The following MET variants were observed in gnomAD, a reference collection of about 807,000 sequenced individuals.
MET encodes MET proto-oncogene, receptor tyrosine kinase, also known as hepatocyte growth factor receptor.
In MET, 48 loss-of-function variants were observed where a neutral mutation model predicts 133.1. The ratio of observed to expected loss-of-function variants is 0.36; its 90% confidence interval spans 0.29 to 0.46. MET has a LOEUF of 0.46. MET is among the 20% of genes least tolerant of loss of function. The pLI is 1.00. For synonymous variants in MET, 628 were observed against 616.5 expected, an observed-to-expected ratio of 1.02 and a Z score of -0.28; for missense variants, 1,442 against 1,695.9, an observed-to-expected ratio of 0.85 and a Z score of 2.63.
intron 3 of MET, among the ~76,000 whole-genome samples, chr7:116,734,234 C>T (rs1023025129): frequency 1.3e-5 from 2 of 151,750 alleles, no homozygotes; most frequent in African/African-American, 4.8e-5. Flanking sequence ...ATTTTTTTTC[C>T]CCCCAAAGAC....
chr7:116,750,212 TG>T (rs1793862719), intron 5 of MET, among the ~76,000 whole-genome samples: 2 of 152,202 alleles, frequency 1.3e-5, no homozygotes, highest in Admixed American at 6.5e-5. Flanking sequence ...CAAAACAGCA[TG>T]GTACTGGTAC....
chr7:116,751,993 G>A (rs1193482743), intron 5 of MET, among the ~76,000 whole-genome samples: 2 of 151,984 alleles, frequency 1.3e-5, no homozygotes, highest in African/African-American at 2.4e-5. Flanking sequence ...CCTGGGTGGC[G>A]GAGCTTGCAG....
chr7:116,778,486 A>G (rs1019347156), intron 16 of MET, among the ~76,000 whole-genome samples: 1 of 152,224 alleles, frequency 6.6e-6, no homozygotes, highest in African/African-American at 2.4e-5. Flanking sequence ...AAATAAATGG[A>G]CAGTCTTTAT....
rs746353083 is a variant in MET, at chr7:116,796,067, A to T, written c.4116A>T (p.Glu1372Asp). Residue 1372 changes from glutamate (E) to aspartate (D), a missense_variant, in exon 21 of 21, where the codon GAA (glutamate) becomes GAT (aspartate). Physicochemically the swap from Glu to Asp is conservative, Grantham distance 45. Around this residue, in one of 6 missense-constraint regions of MET, gnomAD observed 94 missense variants for 109.5 expected, o/e 0.86. Transcript: ENST00000397752. ...CGTATCCTTCTCTGTTGTCATCAGA[A>T]GATAACGCTGATGATGAGGTGGACA... ...VAPYPSLLSS[E>D]DNADDEVDTR... is the part of the protein sequence containing the mutation. 1 of 1,614,022 alleles carries T rather than the reference A, an allele frequency of 6.2e-7. No homozygotes were observed.
chr7:116,686,959 G>T (rs969793803), intron 1 of MET, among the ~76,000 whole-genome samples: 1 of 152,164 alleles, frequency 6.6e-6, no homozygotes, highest in Non-Finnish European at 1.5e-5. Flanking sequence ...CCTTGGCCCC[G>T]CTTTCTGTCT....
intron 2 of MET, among the ~76,000 whole-genome samples, chr7:116,730,883 C>G (rs1229299167): frequency 6.6e-6 from 1 of 152,016 alleles, no homozygotes; most frequent in Non-Finnish European, 1.5e-5. Context: ...GTGCTGGGCT[C>G]TTTGTTTGTT....
chr7:116,768,605 A>C (rs1360043532), intron 11 of MET, among the ~76,000 whole-genome samples: 1 of 152,236 alleles, frequency 6.6e-6, no homozygotes, highest in Admixed American at 6.5e-5. Context: ...CTGCCTGACC[A>C]ATCAATCTAT....
chr7:116,740,174 C>G (rs2116829750), intron 4 of MET, 90 bp downstream of exon 4: 1 of 1,444,700 alleles, frequency 6.9e-7, no homozygotes, highest in Non-Finnish European at 9.7e-7. Flanking sequence ...TATAATGTCT[C>G]TCTTCATCTT....
chr7:116,715,583 G>A (rs1266571099), intron 2 of MET, among the ~76,000 whole-genome samples: 1 of 152,144 alleles, frequency 6.6e-6, no homozygotes, highest in African/African-American at 2.4e-5. Flanking sequence ...ATGAATTTTG[G>A]GAAGACATTA....
chr7:116,757,403 T>A, intron 6 of MET, 34 bp from the exon 7 acceptor site: 1 of 1,561,442 alleles, frequency 6.4e-7, no homozygotes, highest in Admixed American at 1.7e-5. Context: ...TTCCTTGGAT[T>A]TGTCATGTAT....
At chr7:116,791,824 C>T (rs953561418) in intron 19 of MET, among the ~76,000 whole-genome samples, 6 of 151,952 alleles carry the variant, frequency 3.9e-5, no homozygotes, top group Non-Finnish European at 8.8e-5. Context: ...GCCACCATGC[C>T]CAGCTAATTT....
intron 1 of MET, among the ~76,000 whole-genome samples, chr7:116,697,445 C>G (rs1038484467): frequency 6.6e-6 from 1 of 152,118 alleles, no homozygotes; most frequent in African/African-American, 2.4e-5. Context: ...CATTGTATGA[C>G]GGTCTAGCTC....
At chr7:116,737,595 A>T (rs746855633) in intron 3 of MET, among the ~76,000 whole-genome samples, 8 of 152,124 alleles carry the variant, frequency 5.3e-5, no homozygotes, top group Non-Finnish European at 8.8e-5. Flanking sequence ...TTTTTTAAGG[A>T]AAATAATAGT....
chr7:116,778,099 G>A (rs982591873), intron 16 of MET, among the ~76,000 whole-genome samples: 1 of 152,176 alleles, frequency 6.6e-6, no homozygotes, highest in Non-Finnish European at 1.5e-5. Context: ...CTCTGTTTAA[G>A]GGAATGCTTC....
At position 116,700,111 on chromosome 7, in the gene MET, T is replaced by C. The variant is rs774022115; in HGVS notation, c.1027T>C (p.Phe343Leu). Residue 343 changes from phenylalanine to leucine, a missense_variant, in exon 2 of 21, where the codon TTC becomes CTC. By Grantham distance (22) the Phe-to-Leu change is conservative. This residue lies in a region of MET where 762 missense variants were observed against 792.4 expected (regional missense o/e 0.96). Transcript: ENST00000397752. ...IGASLNDDIL[F>L]GVFAQSKPDS... Reference sequence around the variant, plus strand: ...AGCCAGCCTGAATGATGACATTCTTTTCGGGGTGTTCGCACAAAGCAAGCC... The same window carrying C: ...AGCCAGCCTGAATGATGACATTCTTCTCGGGGTGTTCGCACAAAGCAAGCC... 1.2e-6 allele frequency: 2 copies of C among 1,608,886 alleles called. No individual in the cohort carries two copies. Among genetic ancestry groups the C allele is most frequent in the East Asian group, 4.5e-5 (2 of 44,852 alleles).
intron 2 of MET, among the ~76,000 whole-genome samples, chr7:116,710,071 A>G (rs1202688437): frequency 6.6e-6 from 1 of 152,196 alleles, no homozygotes; most frequent in African/African-American, 2.4e-5. Flanking sequence ...TTCTAATGTG[A>G]AAAACACCAA....
At chr7:116,762,739 G>A (rs918313066) in intron 10 of MET, among the ~76,000 whole-genome samples, 5 of 152,022 alleles carry the variant, frequency 3.3e-5, no homozygotes, top group Non-Finnish European at 5.9e-5. Flanking sequence ...ACACAACAAG[G>A]GGCAGTTCCT....
chr7:116,761,714 C>G (rs1794402774), intron 10 of MET, among the ~76,000 whole-genome samples: 2 of 151,988 alleles, frequency 1.3e-5, no homozygotes, highest in South Asian at 4.1e-4. Context: ...TCATGTCCAT[C>G]AGGAATAAAT....
At chr7:116,774,461 T>C (rs961031153) in intron 14 of MET, among the ~76,000 whole-genome samples, 19 of 152,368 alleles carry the variant, frequency 1.2e-4, no homozygotes, top group African/African-American at 4.3e-4. Context: ...TTTTGCACAA[T>C]AGTAATTAAT....
Sources: allele counts gnomAD v4.1 joint callset (sites outside exome capture counted in the v4.1 genomes callset), GRCh38; gene constraint gnomAD v4.1.1; regional missense constraint gnomAD v4.1.1; transcripts MANE v1.5; gene names NCBI Gene and HGNC (gene_info 2026-07-23, HGNC 2026-07-21).